RORA: variants seen among roughly 807,000 people sequenced by gnomAD.
RORA encodes nuclear receptor ROR-alpha.
A neutral mutation model predicts 69.5 loss-of-function variants in RORA; 7 were observed. The observed-to-expected ratio is 0.10, with a 90% CI of 0.06 to 0.19. RORA has a LOEUF of 0.19. Among genes scored for constraint, RORA ranks in the 10% least tolerant of loss-of-function variants. RORA has a pLI of 1.00. For synonymous variants in RORA, 261 were observed against 240.8 expected, an observed-to-expected ratio of 1.08 and a Z score of -0.78; for missense variants, 457 against 663.0, an observed-to-expected ratio of 0.69 and a Z score of 3.41.
At position 60,497,392 on chromosome 15, in the gene RORA, A is replaced by AT; in HGVS notation, c.*62dup. 1 of 1,493,120 alleles carries AT rather than the reference A, an allele frequency of 6.7e-7. No homozygotes were observed. Among genetic ancestry groups the AT allele is most frequent in the Non-Finnish European group, 9.3e-7 (1 of 1,077,340 alleles). The allele number at this position is 1,493,120 out of a possible 1,614,324, so 92.5% of individuals were successfully genotyped here. A position where few individuals can be genotyped will look rare whatever the true frequency, so the allele number is the denominator to read the frequency against. On this transcript the variant is annotated 3_prime_UTR_variant, in exon 11 of 11. Transcript: ENST00000335670. ...AGGGCCATATAAAGTGTCTCGGTTAATTTTTTTGTTTGTTTTTCATGTTTG... is the reference window on the plus strand; with the variant it reads ...AGGGCCATATAAAGTGTCTCGGTTAATTTTTTTTGTTTGTTTTTCATGTTTG...
intron 1 of RORA, among the ~76,000 whole-genome samples, chr15:60,923,731 G>A (rs1031656338): frequency 1.3e-5 from 2 of 152,252 alleles, no homozygotes; most frequent in South Asian, 2.1e-4. Flanking sequence ...TGTTTTTCCC[G>A]TTGCCCCATA....
intron 1 of RORA, among the ~76,000 whole-genome samples, chr15:61,045,536 G>A (rs1443485122): frequency 1.3e-5 from 2 of 152,180 alleles, no homozygotes; most frequent in African/African-American, 4.8e-5. Context: ...TGGGGAAGGT[G>A]AGTACTCTGA....
intron 1 of RORA, among the ~76,000 whole-genome samples, chr15:60,986,920 C>T (rs3803484): frequency 0.21 from 31,901 of 151,852 alleles, 3,537 homozygotes; most frequent in African/African-American, 0.27. Context: ...ATCCGCAGAC[C>T]GGGTGATTAA....
rs182942915 is a variant in RORA at position 60,601,753 on chromosome 15, A to C, written c.197-69902T>G. Among the ~76,000 whole-genome samples, 26 of 152,300 alleles carry C rather than the reference A, an allele frequency of 1.7e-4. No homozygotes were observed. The East Asian group carries it at 4.8e-3, about 28-fold the overall frequency. On this transcript the variant is annotated intron_variant, in intron 2 of 10. Transcript: ENST00000335670. ...TGGCTTTGATAGCTTAATAATCTTA[A>C]GCAGAGCCATTTATTTTCAATGTAC...
At position 60,532,938 on chromosome 15, in the gene RORA, C is replaced by G. The variant is rs556834053; in HGVS notation, c.197-1087G>C. On this transcript the variant is annotated intron_variant, in intron 2 of 10. Transcript: ENST00000335670. ...TTTCTGTACAGCCCTTACCTAGCCC[C>G]AGACCTTACACAGAGTAATTTCTTT... Among the ~76,000 whole-genome samples the G allele has an allele frequency of 1.0e-3, 152 of 152,220 alleles. 5 individuals are homozygous for G. The highest frequency in any genetic ancestry group is 2.4e-4 in the Non-Finnish European group (16 of 68,036).
chr15:60,864,173 A>T (rs752487738), intron 1 of RORA, among the ~76,000 whole-genome samples: 1 of 152,190 alleles, frequency 6.6e-6, no homozygotes, highest in African/African-American at 2.4e-5. Context: ...GGGTGGTTTA[A>T]GTGTTAATAT....
intron 1 of RORA, among the ~76,000 whole-genome samples, chr15:60,721,445 A>C (rs1314007660): frequency 6.6e-6 from 1 of 152,214 alleles, no homozygotes; most frequent in Non-Finnish European, 1.5e-5. Context: ...CCATTACAAT[A>C]ATATTCTTAT....
intron 1 of RORA, among the ~76,000 whole-genome samples, chr15:60,932,378 T>A (rs1047509960): frequency 1.3e-5 from 2 of 152,104 alleles, no homozygotes; most frequent in Non-Finnish European, 2.9e-5. Flanking sequence ...AACCATTAAT[T>A]CCTTCAGATA....
At chr15:60,939,588 C>T (rs1404282327) in intron 1 of RORA, among the ~76,000 whole-genome samples, 1 of 152,204 alleles carries the variant, frequency 6.6e-6, no homozygotes, top group Non-Finnish European at 1.5e-5. Context: ...GGAGCCGTGC[C>T]AGCCTCAGCA....
At chr15:60,574,164 C>T (rs36055927) in intron 2 of RORA, among the ~76,000 whole-genome samples, 260 of 152,174 alleles carry the variant, frequency 1.7e-3, no homozygotes, top group African/African-American at 6.1e-3. Flanking sequence ...CAGACTCAGC[C>T]CCCAATTGGA....
At chr15:60,598,288 T>C (rs2068741223) in intron 2 of RORA, among the ~76,000 whole-genome samples, 1 of 152,228 alleles carries the variant, frequency 6.6e-6, no homozygotes, top group Non-Finnish European at 1.5e-5. Context: ...CTGAGCGTTC[T>C]ACAATTTTGA....
chr15:61,149,987 G>A (rs2079384082), intron 1 of RORA, among the ~76,000 whole-genome samples: 1 of 152,188 alleles, frequency 6.6e-6, no homozygotes, highest in Non-Finnish European at 1.5e-5. Flanking sequence ...TGAAACAGGA[G>A]GCAAGAACCA....
chr15:60,946,255 T>C (rs974087080), intron 1 of RORA, among the ~76,000 whole-genome samples: 1 of 132,810 alleles, frequency 7.5e-6, no homozygotes, highest in African/African-American at 3.0e-5. Context: ...TCTCCCTCTC[T>C]CTCCCTCCTT....
intron 1 of RORA, among the ~76,000 whole-genome samples, chr15:60,897,875 C>G (rs1387362446): frequency 1.3e-5 from 2 of 152,140 alleles, no homozygotes; most frequent in Non-Finnish European, 2.9e-5. Flanking sequence ...AAAAATTGTA[C>G]CCATAATAAA....
chr15:61,167,179 C>G (rs142755283), intron 1 of RORA, among the ~76,000 whole-genome samples: 1 of 152,166 alleles, frequency 6.6e-6, no homozygotes, highest in Admixed American at 6.5e-5. Flanking sequence ...ACTCTTCACT[C>G]GGTACTCAGC....
intron 2 of RORA, among the ~76,000 whole-genome samples, chr15:60,584,140 C>G (rs73422093): frequency 0.04 from 6,038 of 152,238 alleles, 379 homozygotes; most frequent in African/African-American, 0.14. Context: ...GGCCTAAGGA[C>G]CAGTTGCATC....
chr15:60,798,683 G>A (rs1166148430), intron 1 of RORA, among the ~76,000 whole-genome samples: 1 of 152,034 alleles, frequency 6.6e-6, no homozygotes, highest in Non-Finnish European at 1.5e-5. Flanking sequence ...CAGGCAGCAT[G>A]GTAGCGGGGA....
rs1422607070 is a variant in RORA at position 60,844,791 on chromosome 15, G to A, written c.167-166105C>T. ...AGGTGGTTTAATGCCTTCTTGCCTC[G>A]ATGGTATCAAAGCTATTGGCTCCAG... On this transcript the variant is annotated intron_variant, in intron 1 of 10. Transcript: ENST00000335670. 3.3e-5 allele frequency among the ~76,000 whole-genome samples: 5 copies of A among 152,128 alleles called. No individual in the cohort carries two copies. The East Asian group carries it at 5.8e-4, about 18-fold the overall frequency.
intron 1 of RORA, among the ~76,000 whole-genome samples, chr15:60,958,021 C>T (rs1893317623): frequency 6.6e-6 from 1 of 150,714 alleles, no homozygotes; most frequent in African/African-American, 2.4e-5. Context: ...TGCTTTGATT[C>T]AATGTCTCCT....
Sources: gnomAD v4.1 joint callset for allele counts (sites outside exome capture counted in the v4.1 genomes callset) on GRCh38, gnomAD v4.1.1 for gene constraint, MANE v1.5 for transcripts, NCBI Gene and HGNC (gene_info 2026-07-23, HGNC 2026-07-21) for gene names.